Variants in CACNA2D4 observed in about 807,000 individuals in gnomAD.
CACNA2D4 encodes the protein voltage-dependent calcium channel subunit alpha-2/delta-4.
Under a neutral mutation model 163.8 loss-of-function variants are expected in CACNA2D4, and 157 were observed. The observed-to-expected ratio is 0.96, with a 90% CI of 0.84 to 1.09. CACNA2D4 has a LOEUF of 1.09. Among genes scored for constraint, CACNA2D4 ranks in the 50% least tolerant of loss-of-function variants. The pLI, the probability that CACNA2D4 is intolerant of heterozygous loss-of-function variation, is 0.00. For synonymous variants in CACNA2D4, 598 were observed against 586.9 expected, an observed-to-expected ratio of 1.02 and a Z score of -0.27; for missense variants, 1,410 against 1,479.9, an observed-to-expected ratio of 0.95 and a Z score of 0.78.
chr12:1,896,551 C>T (rs542992649), intron 6 of CACNA2D4, among the ~76,000 whole-genome samples: 1 of 150,182 alleles, frequency 6.7e-6, no homozygotes, highest in South Asian at 2.1e-4. Flanking sequence ...GAGGGAAATG[C>T]AAATCAATAC....
chr12:1,901,922 C>T (rs975713782), intron 6 of CACNA2D4, among the ~76,000 whole-genome samples: 6 of 151,950 alleles, frequency 3.9e-5, no homozygotes, highest in Non-Finnish European at 8.8e-5. Context: ...AACAAAAAAC[C>T]TACAGGCTAA....
intron 6 of CACNA2D4, among the ~76,000 whole-genome samples, chr12:1,889,866 G>C (rs1866235956): frequency 6.6e-6 from 1 of 152,166 alleles, no homozygotes; most frequent in African/African-American, 2.4e-5. Context: ...TGGCTGACTA[G>C]AGGCATCTGG....
chr12:1,849,779 G>A (rs1865233094), intron 23 of CACNA2D4, among the ~76,000 whole-genome samples: 1 of 152,068 alleles, frequency 6.6e-6, no homozygotes, highest in Non-Finnish European at 1.5e-5. Flanking sequence ...ACATTTATAT[G>A]TACCTTTGTG....
rs888559934 is a variant in CACNA2D4 at position 1,793,499 on chromosome 12, C to T, written c.*156G>A. On this transcript the variant is annotated 3_prime_UTR_variant, in exon 38 of 38. Coordinates refer to ENST00000382722, the MANE Select transcript of CACNA2D4 (RefSeq NM_172364.5). Reference sequence around the variant, plus strand: ...GTGATTGGTTTCCTGTTCCATCCAGCATTCTCCGGAGCCAGGGGCCACCAG... The same window carrying T: ...GTGATTGGTTTCCTGTTCCATCCAGTATTCTCCGGAGCCAGGGGCCACCAG... 2.0e-5 allele frequency: 14 copies of T among 686,022 alleles called. No individual in the cohort carries two copies. In the Admixed American group the frequency reaches 2.8e-4, roughly 14 times the overall value. The allele number at this position is 686,022 out of a possible 1,614,324, so 42.5% of individuals were successfully genotyped here.
rs981822398 is a variant in CACNA2D4 at position 1,829,996 on chromosome 12, G to A, written c.2551+10743C>T. On this transcript the variant is annotated intron_variant, in intron 26 of 37. Transcript: ENST00000382722. This position sits in a 1 kb window ranked among gnomAD's most constrained non-coding sequence, Gnocchi z 4.2. ...GCTCTGATGTGATTGTTCCCTGAGGGTTACTTCTCCCAGCCCTACAGACAG... is the reference window on the plus strand; with the variant it reads ...GCTCTGATGTGATTGTTCCCTGAGGATTACTTCTCCCAGCCCTACAGACAG... 6.6e-6 allele frequency among the ~76,000 whole-genome samples: 1 copy of A among 152,192 alleles called. No individual in the cohort carries two copies. Among genetic ancestry groups the A allele is most frequent in the African/African-American group, 2.4e-5 (1 of 41,444 alleles).
chr12:1,833,662 C>T lies in CACNA2D4; in HGVS notation c.2551+7077G>A, dbSNP rs1864728116. 6.6e-6 allele frequency among the ~76,000 whole-genome samples: 1 copy of T among 152,218 alleles called. No individual in the cohort carries two copies. The highest frequency in any genetic ancestry group is 2.4e-5 in the African/African-American group (1 of 41,450). ...GGAGAAGGAGAACATTCCTGCCCAA[C>T]TCTTTTCCTCTTTACGCCAGGAAGG... On this transcript the variant is annotated intron_variant, in intron 26 of 37. Coordinates refer to ENST00000382722, the MANE Select transcript of CACNA2D4 (RefSeq NM_172364.5). The surrounding 1 kb of genome is among the most constrained non-coding windows in gnomAD (Gnocchi z 4.2).
At position 1,820,099 on chromosome 12, in the gene CACNA2D4, C is replaced by T. The variant is rs1029222720; in HGVS notation, c.2552-8376G>A. 4.6e-5 allele frequency among the ~76,000 whole-genome samples: 7 copies of T among 152,190 alleles called. No individual in the cohort carries two copies. Among genetic ancestry groups the T allele is most frequent in the African/African-American group, 1.4e-4 (6 of 41,440 alleles). ...TCAGGCAGGATGGGAGACTCTGCCT[C>T]GCATGTCTCTAAAACAGGAGAAAGA... On this transcript the variant is annotated intron_variant, in intron 26 of 37. Coordinates refer to ENST00000382722, the MANE Select transcript of CACNA2D4 (RefSeq NM_172364.5). The surrounding 1 kb of genome is among the most constrained non-coding windows in gnomAD (Gnocchi z 6.0).
chr12:1,842,038 G>C (rs1865036039), intron 25 of CACNA2D4, among the ~76,000 whole-genome samples: 1 of 152,188 alleles, frequency 6.6e-6, no homozygotes. Flanking sequence ...CATTTTCTGG[G>C]ACAGACCTTC....
At chr12:1,891,882 A>T (rs1866289824) in intron 6 of CACNA2D4, among the ~76,000 whole-genome samples, 1 of 152,148 alleles carries the variant, frequency 6.6e-6, no homozygotes, top group African/African-American at 2.4e-5. Flanking sequence ...TCAGACAAAA[A>T]TTTTCTTTAA....
chr12:1,843,179 T>C lies in CACNA2D4; in HGVS notation c.2470+1223A>G, dbSNP rs537750781. 2.0e-5 allele frequency among the ~76,000 whole-genome samples: 3 copies of C among 152,024 alleles called. No homozygotes were observed. The South Asian group carries it at 6.2e-4, about 32-fold the overall frequency. On this transcript the variant is annotated intron_variant, in intron 25 of 37. Transcript: ENST00000382722. This position sits in a 1 kb window ranked among gnomAD's most constrained non-coding sequence, Gnocchi z 4.6. ...GTGGAGGGAACAGCACAGGTGGGAG[T>C]AGGGGCATAGCACCAGGTGAGGAAG...
intron 8 of CACNA2D4, 67 bp downstream of exon 8, chr12:1,886,156 A>T (rs1866138189): frequency 6.3e-7 from 1 of 1,585,574 alleles, no homozygotes; most frequent in Non-Finnish European, 8.7e-7. Context: ...GTTGTGGGTC[A>T]CCTTGGTACC....
At chr12:1,905,085 T>C (rs1866625672) in intron 6 of CACNA2D4, among the ~76,000 whole-genome samples, 1 of 152,002 alleles carries the variant, frequency 6.6e-6, no homozygotes, top group Non-Finnish European at 1.5e-5. Context: ...ATCAAGGTAA[T>C]ATACACATTA....
intron 25 of CACNA2D4, among the ~76,000 whole-genome samples, chr12:1,842,742 C>G (rs1376076070): frequency 2.0e-5 from 3 of 152,142 alleles, no homozygotes; most frequent in Non-Finnish European, 2.9e-5. Context: ...ATTATAGAAC[C>G]TCTCCAGGGG....
intron 1 of CACNA2D4, chr12:1,915,324 G>A (rs979095513): frequency 1.4e-6 from 1 of 696,676 alleles, no homozygotes; most frequent in Non-Finnish European, 2.6e-6. Flanking sequence ...GGGTTGTGGG[G>A]CCGGGCTGAC....
intron 26 of CACNA2D4, among the ~76,000 whole-genome samples, chr12:1,813,355 G>A (rs1305568397): frequency 6.6e-6 from 1 of 152,026 alleles, no homozygotes; most frequent in African/African-American, 2.4e-5. Flanking sequence ...GCTAGTCCAG[G>A]CACTATATTT....
rs1232317650 is a variant in CACNA2D4 at position 1,908,761 on chromosome 12, GGAC to G, written c.487-727_487-725del. Among the ~76,000 whole-genome samples, 21 of 112,184 alleles carry G rather than the reference GGAC, an allele frequency of 1.9e-4. 2 individuals carry two copies. The highest frequency in any genetic ancestry group is 5.2e-4 in the Admixed American group (6 of 11,562). 73.6% of individuals were successfully genotyped at this position (112,184 alleles called of 152,430 possible). On this transcript the variant is annotated intron_variant, in intron 4 of 37. Coordinates refer to ENST00000382722, the MANE Select transcript of CACNA2D4 (RefSeq NM_172364.5). ...ACATCCCCACGCCAACTCCCACGCC[GGAC>G]TGCCTCACGGACATCCCCACGCCAA...
intron 26 of CACNA2D4, chr12:1,831,214 C>G (rs762456201): frequency 1.9e-6 from 3 of 1,613,844 alleles, no homozygotes; most frequent in Non-Finnish European, 2.5e-6. Context: ...GGGGACCTGA[C>G]GAATCTGACT....
intron 6 of CACNA2D4, among the ~76,000 whole-genome samples, chr12:1,891,341 A>G (rs1251824408): frequency 5.3e-5 from 8 of 152,202 alleles, no homozygotes; most frequent in Non-Finnish European, 1.2e-4. Flanking sequence ...TAGCTGAAGA[A>G]ATCATATTGA....
chr12:1,885,743 C>T (rs1419615419), intron 9 of CACNA2D4, among the ~76,000 whole-genome samples: 1 of 152,154 alleles, frequency 6.6e-6, no homozygotes, highest in Non-Finnish European at 1.5e-5. Context: ...GGAAGGTTCC[C>T]TTTGCTATGA....
Sources: gnomAD v4.1 joint callset for allele counts (sites outside exome capture counted in the v4.1 genomes callset) on GRCh38, gnomAD v4.1.1 for gene constraint, Gnocchi (gnomAD v3.1) non-coding constraint, MANE v1.5 for transcripts, NCBI Gene and HGNC (gene_info 2026-07-23, HGNC 2026-07-21) for gene names.